Variants in NBAS observed in about 807,000 individuals in gnomAD.
The protein encoded by NBAS is NBAS subunit of NRZ tethering complex, also known as NAG/BC035112 fusion.
Under a neutral mutation model 302.5 loss-of-function variants are expected in NBAS, and 219 were observed. The observed-to-expected ratio is 0.72, with a 90% CI of 0.65 to 0.81. NBAS has a LOEUF of 0.81. NBAS is among the 30% of genes least tolerant of loss of function. The pLI, the probability that NBAS is intolerant of heterozygous loss-of-function variation, is 0.00. For missense variants in NBAS, 2,932 were observed against 2,841.6 expected (o/e 1.03, Z -0.72); for synonymous variants, 1,118 against 1,021.6 (o/e 1.09, Z -1.80).
At chr2:15,523,566 G>T (rs1444628496) in intron 9 of NBAS, among the ~76,000 whole-genome samples, 1 of 152,016 alleles carries the variant, frequency 6.6e-6, no homozygotes, top group Non-Finnish European at 1.5e-5. Flanking sequence ...ATGAACGAGG[G>T]GTCCTAGAAC....
chr2:15,007,077 T>G, the NBAS span, among the ~76,000 whole-genome samples: 1 of 152,240 alleles, frequency 6.6e-6, no homozygotes, highest in African/African-American at 2.4e-5. Flanking sequence ...TTGGACATGA[T>G]GCCAAGCAAG....
At chr2:15,233,589 A>G (rs1319237646) in intron 46 of NBAS, among the ~76,000 whole-genome samples, 3 of 152,236 alleles carry the variant, frequency 2.0e-5, no homozygotes, top group African/African-American at 7.2e-5. Flanking sequence ...CATTTGAAAG[A>G]GGACACTGGT....
At chr2:14,927,236 G>T in the NBAS span, among the ~76,000 whole-genome samples, 1 of 152,190 alleles carries the variant, frequency 6.6e-6, no homozygotes, top group Admixed American at 6.5e-5. Context: ...ACGTGAGTCA[G>T]TTCCTTAAAT....
intron 44 of NBAS, among the ~76,000 whole-genome samples, chr2:15,263,873 C>T (rs904015091): frequency 2.0e-5 from 3 of 152,176 alleles, no homozygotes; most frequent in African/African-American, 4.8e-5. Flanking sequence ...CGACATCCTG[C>T]GATAGCTGCA....
At chr2:15,251,454 A>G (rs943633704) in intron 44 of NBAS, among the ~76,000 whole-genome samples, 3 of 152,210 alleles carry the variant, frequency 2.0e-5, no homozygotes, top group Non-Finnish European at 4.4e-5. Flanking sequence ...CTTGAAGTAT[A>G]ATAATAAAAA....
chr2:15,261,815 C>T (rs930321220), intron 44 of NBAS, among the ~76,000 whole-genome samples: 5 of 152,118 alleles, frequency 3.3e-5, no homozygotes, highest in African/African-American at 1.2e-4. Context: ...AATTTGAAAG[C>T]ATTCATTCAC....
chr2:15,415,331 C>T (rs1020430882), intron 25 of NBAS, among the ~76,000 whole-genome samples: 1 of 152,114 alleles, frequency 6.6e-6, no homozygotes, highest in African/African-American at 2.4e-5. Flanking sequence ...TAGTAGATGG[C>T]AAACAAACTT....
chr2:15,518,268 T>C (rs576306700), intron 9 of NBAS, among the ~76,000 whole-genome samples: 1 of 152,306 alleles, frequency 6.6e-6, no homozygotes, highest in East Asian at 1.9e-4. Context: ...GATTATATCT[T>C]AAGTATTCTG....
chr2:15,303,598 TTGGAAAGAGTGG>T (rs771172609), intron 40 of NBAS, among the ~76,000 whole-genome samples: 91 of 152,264 alleles, frequency 6.0e-4, no homozygotes, highest in Non-Finnish European at 1.0e-3. Flanking sequence ...GTGTGTGAAT[TTGGAAAGAGTGG>T]TGGCCAGATA....
At chr2:15,407,294 T>C (rs1017788871) in intron 25 of NBAS, among the ~76,000 whole-genome samples, 1 of 152,130 alleles carries the variant, frequency 6.6e-6, no homozygotes, top group African/African-American at 2.4e-5. Context: ...CACAGAAAAT[T>C]GCAGCCAAAA....
chr2:14,798,788 G>C, the NBAS span, among the ~76,000 whole-genome samples: 1 of 152,034 alleles, frequency 6.6e-6, no homozygotes, highest in East Asian at 1.9e-4. Flanking sequence ...ACTTCTTCCT[G>C]AATGAGATGG....
chr2:15,102,292 A>G, the NBAS span, among the ~76,000 whole-genome samples: 3 of 152,304 alleles, frequency 2.0e-5, no homozygotes, highest in South Asian at 6.2e-4. Flanking sequence ...AATGGCTGGG[A>G]CTATTACAAG....
At chr2:15,098,487 T>TATATA in the NBAS span, among the ~76,000 whole-genome samples, 5 of 101,818 alleles carry the variant, frequency 4.9e-5, no homozygotes, top group Admixed American at 2.5e-4. Flanking sequence ...TGTTATATAT[T>TATATA]GTATATAATA....
chr2:15,546,900 C>CA (rs1664144256), intron 6 of NBAS, among the ~76,000 whole-genome samples: 1 of 152,206 alleles, frequency 6.6e-6, no homozygotes, highest in Non-Finnish European at 1.5e-5. Flanking sequence ...AGTGCCCACC[C>CA]AGCCACTGGA....
chr2:15,390,897 C>T (rs747230730), intron 28 of NBAS, among the ~76,000 whole-genome samples: 9 of 151,948 alleles, frequency 5.9e-5, no homozygotes, highest in Non-Finnish European at 1.0e-4. Flanking sequence ...GGTGGATCAC[C>T]AGGTCAGGAG....
At chr2:15,219,987 G>A (rs62121518) in intron 47 of NBAS, among the ~76,000 whole-genome samples, 10 of 148,008 alleles carry the variant, frequency 6.8e-5, no homozygotes, top group African/African-American at 2.0e-4. Context: ...GCCGGGCAGA[G>A]GCGCCCCTCA....
At chr2:14,796,053 G>A in the NBAS span, among the ~76,000 whole-genome samples, 2 of 152,170 alleles carry the variant, frequency 1.3e-5, no homozygotes, top group South Asian at 4.2e-4. Context: ...TAAAGTTTGT[G>A]TTTTTTGCAC....
the NBAS span, among the ~76,000 whole-genome samples, chr2:14,813,326 TG>T: frequency 6.6e-6 from 1 of 152,156 alleles, no homozygotes; most frequent in Admixed American, 6.5e-5. Flanking sequence ...TTAAAGACTT[TG>T]TTGAATGGTT....
At chr2:15,186,601 T>C (rs144269496) in intron 50 of NBAS, 141 bp downstream of exon 50, 53 of 1,254,478 alleles carry the variant, frequency 4.2e-5, no homozygotes, top group Non-Finnish European at 5.7e-5. Flanking sequence ...TTTCTTCATC[T>C]GATCCATCAG....
Sources: gnomAD v4.1 joint callset for allele counts (sites outside exome capture counted in the v4.1 genomes callset) on GRCh38, gnomAD v4.1.1 for gene constraint, MANE v1.5 for transcripts, NCBI Gene and HGNC (gene_info 2026-07-23, HGNC 2026-07-21) for gene names.